Variants in UGT2A3 observed in about 807,000 individuals in gnomAD.
The protein encoded by UGT2A3 is UDP-glucuronosyltransferase 2A3.
In UGT2A3, 55 loss-of-function variants were observed where a neutral mutation model predicts 44.1. That is an observed-to-expected ratio of 1.25 (90% CI 1.00 to 1.56). UGT2A3 has a LOEUF of 1.56. UGT2A3 is among the 40% of genes most tolerant of loss of function. The pLI is 0.00. For missense variants in UGT2A3, 733 were observed against 621.6 expected, an observed-to-expected ratio of 1.18 and a Z score of -1.91; for synonymous variants, 243 against 215.1, an observed-to-expected ratio of 1.13 and a Z score of -1.13.
intron 2 of UGT2A3, among the ~76,000 whole-genome samples, chr4:68,944,614 G>A (rs188176071): frequency 1.3e-5 from 2 of 151,844 alleles, no homozygotes; most frequent in Admixed American, 1.3e-4. Flanking sequence ...ATTTCTATGA[G>A]CTCTACTTTG....
At chr4:68,940,183 T>C (rs745845789) in intron 2 of UGT2A3, among the ~76,000 whole-genome samples, 1 of 152,050 alleles carries the variant, frequency 6.6e-6, no homozygotes, top group Non-Finnish European at 1.5e-5. Context: ...TTTGACCCAG[T>C]TATCCCATTA....
chr4:68,936,065 A>C (rs936540770), intron 2 of UGT2A3, among the ~76,000 whole-genome samples: 1 of 152,168 alleles, frequency 6.6e-6, no homozygotes, highest in Non-Finnish European at 1.5e-5. Flanking sequence ...GGACTATGTG[A>C]AAAGACCAAA....
rs367740949 is a variant in UGT2A3, at chr4:68,932,786, C to T, written c.865-27G>A. The T allele has an allele frequency of 1.4e-5, 22 of 1,595,332 alleles. No individual in the cohort carries two copies. In the African/African-American group the frequency reaches 3.0e-4, roughly 22 times the overall value. On this transcript the variant is annotated intron_variant, in intron 2 of 5. Coordinates refer to ENST00000251566, the MANE Select transcript of UGT2A3 (RefSeq NM_024743.4). Reference sequence around the variant, plus strand: ...TGAAGATAAAAATTTATCTGCATTACAGAGGCATAATATAACAAAAATTAA... The same window carrying T: ...TGAAGATAAAAATTTATCTGCATTATAGAGGCATAATATAACAAAAATTAA...
In UGT2A3 at chr4:68,929,924, C is replaced by T; in HGVS notation, c.1473G>A (p.Val491=). The T allele has an allele frequency of 1.9e-6, 3 of 1,613,522 alleles. No homozygotes were observed. The highest frequency in any genetic ancestry group is 1.7e-6 in the Non-Finnish European group (2 of 1,179,596). The change falls in exon 6 of 6, where the codon GTG becomes GTA. Residue 491 remains valine (V), a synonymous_variant. Coordinates refer to ENST00000251566, the MANE Select transcript of UGT2A3 (RefSeq NM_024743.4). ...LTWFQHYSID[V]IGFLLACVAT... The stretch of plus-strand genomic sequence containing the variant: ...CCACACAGGCCAGCAGGAACCCAAT[C>T]ACATCTATAGAGTAGTGCTGGAACC...
chr4:68,950,984 T>C, intron 1 of UGT2A3, 62 bp downstream of exon 1: 1 of 1,214,902 alleles, frequency 8.2e-7, no homozygotes, highest in East Asian at 2.6e-5. Flanking sequence ...AGACAATGTA[T>C]GACAATTTTT....
chr4:68,944,030 C>A (rs576982767), intron 2 of UGT2A3, among the ~76,000 whole-genome samples: 15 of 151,970 alleles, frequency 9.9e-5, no homozygotes, highest in Admixed American at 3.9e-4. Flanking sequence ...AGAGAATTTT[C>A]TTCTTCCTAG....
chr4:68,938,523 C>G (rs918955687), intron 2 of UGT2A3, among the ~76,000 whole-genome samples: 1 of 152,042 alleles, frequency 6.6e-6, no homozygotes, highest in East Asian at 1.9e-4. Context: ...TAGTAACTCT[C>G]AATAAACTAG....
chr4:68,929,737 C>A lies in UGT2A3; in HGVS notation c.*76G>T. On this transcript the variant is annotated 3_prime_UTR_variant, in exon 6 of 6. Transcript: ENST00000251566. Reference sequence around the variant, plus strand: ...AACAGAATAGATAATATGAAAATAGCAAGGTTTTCACCAAATTCTATGTGG... The same window carrying A: ...AACAGAATAGATAATATGAAAATAGAAAGGTTTTCACCAAATTCTATGTGG... 7.7e-7 allele frequency: 1 copy of A among 1,305,010 alleles called. No individual in the cohort carries two copies. The highest frequency in any genetic ancestry group is 2.3e-5 in the Admixed American group (1 of 43,874). 80.8% of individuals were successfully genotyped at this position (1,305,010 alleles called of 1,614,324 possible). A position where few individuals can be genotyped will look rare whatever the true frequency, so the allele number is the denominator to read the frequency against.
At chr4:68,931,126 T>C (rs753844847) in intron 4 of UGT2A3, 29 bp downstream of exon 4, 12 of 1,550,978 alleles carry the variant, frequency 7.7e-6, no homozygotes, top group East Asian at 2.2e-5. Flanking sequence ...CCTCGTCTAG[T>C]TCATATTTTT....
chr4:68,940,782 AT>A (rs1278466437), intron 2 of UGT2A3, among the ~76,000 whole-genome samples: 1 of 145,212 alleles, frequency 6.9e-6, no homozygotes, highest in East Asian at 2.0e-4. Flanking sequence ...CATATATATA[AT>A]ATATATATAC....
chr4:68,929,581 G>T lies in UGT2A3; in HGVS notation c.*232C>A. ...GTCATATCAGAAATAGGAAAATTTA[G>T]ATGTATTCATGTCCTTGTGTCACAA... On this transcript the variant is annotated 3_prime_UTR_variant, in exon 6 of 6. Coordinates refer to ENST00000251566, the MANE Select transcript of UGT2A3 (RefSeq NM_024743.4). 5.1e-6 allele frequency: 2 copies of T among 389,796 alleles called. No homozygotes were observed. Among genetic ancestry groups the T allele is most frequent in the Non-Finnish European group, 4.6e-6 (1 of 216,106 alleles). 24.1% of individuals were successfully genotyped at this position (389,796 alleles called of 1,614,324 possible).
rs1717635495 is a variant in UGT2A3 at position 68,929,449 on chromosome 4, A to C, written c.*364T>G. Reference sequence around the variant, plus strand: ...GGTTTACTGAATTTTGTGAATTTTAAGTTTTTTACCTCTTTATATCCATGT... The same window carrying C: ...GGTTTACTGAATTTTGTGAATTTTACGTTTTTTACCTCTTTATATCCATGT... On this transcript the variant is annotated 3_prime_UTR_variant, in exon 6 of 6. Transcript: ENST00000251566. 2 of 162,680 alleles carry C rather than the reference A, an allele frequency of 1.2e-5. No individual in the cohort carries two copies. Among genetic ancestry groups the C allele is most frequent in the Admixed American group, 6.3e-5 (1 of 15,896 alleles). 10.1% of individuals were successfully genotyped at this position (162,680 alleles called of 1,614,324 possible).
intron 2 of UGT2A3, among the ~76,000 whole-genome samples, chr4:68,943,785 C>T (rs1718280317): frequency 6.6e-6 from 1 of 151,766 alleles, no homozygotes; most frequent in Non-Finnish European, 1.5e-5. Context: ...CAACTAGATA[C>T]AGCCTACTTG....
At position 68,929,984 on chromosome 4, in the gene UGT2A3, G is replaced by A. The variant is rs1717663696; in HGVS notation, c.1413C>T (p.Ala471=). 6.2e-7 allele frequency: 1 copy of A among 1,613,504 alleles called. No homozygotes were observed. The highest frequency in any genetic ancestry group is 1.3e-5 in the African/African-American group (1 of 74,882). ...CATGGGCAGCTGATCGCAGGTGCTTGGCTCCTTTGTGGCGCATGACAAACT... is the reference window on the plus strand; with the variant it reads ...CATGGGCAGCTGATCGCAGGTGCTTAGCTCCTTTGTGGCGCATGACAAACT... The part of the protein sequence containing the change: ...WIEFVMRHKG[A]KHLRSAAHDL... Residue 471 remains alanine, a synonymous_variant, in exon 6 of 6, where the codon GCC becomes GCT. Transcript: ENST00000251566.
intron 2 of UGT2A3, among the ~76,000 whole-genome samples, chr4:68,936,770 T>C (rs939496475): frequency 6.6e-6 from 1 of 150,738 alleles, no homozygotes; most frequent in Non-Finnish European, 1.5e-5. Flanking sequence ...GACTGGCAAA[T>C]TGTATAAAGA....
chr4:68,931,986 A>G (rs1265566614), intron 3 of UGT2A3, among the ~76,000 whole-genome samples: 2 of 152,016 alleles, frequency 1.3e-5, no homozygotes, highest in African/African-American at 4.8e-5. Context: ...GAAGTATTTT[A>G]GCTAAATATA....
In UGT2A3 at chr4:68,931,208, G is replaced by A. The variant is rs774009869; in HGVS notation, c.1031C>T (p.Thr344Ile). Residue 344 changes from threonine to isoleucine, a missense_variant, in exon 4 of 6, where the codon ACA becomes ATA. By Grantham distance (89) the Thr-to-Ile change is moderately conservative (BLOSUM62 -1). Transcript: ENST00000251566. ...ATACAGCCGAGTATTGGCTCCTAAT[G>A]TGGATGGTTTTTTTCCTTTGTACCT... The part of the protein sequence containing the change: ...LWRYKGKKPS[T>I]LGANTRLYDW... 1.2e-6 allele frequency: 2 copies of A among 1,612,944 alleles called. No homozygotes were observed. The highest frequency in any genetic ancestry group is 1.1e-5 in the South Asian group (1 of 91,040).
intron 2 of UGT2A3, among the ~76,000 whole-genome samples, chr4:68,939,586 T>G (rs1718107790): frequency 6.6e-6 from 1 of 152,122 alleles, no homozygotes; most frequent in Non-Finnish European, 1.5e-5. Context: ...CCTGAAACCA[T>G]AAAAATCCTA....
At chr4:68,934,510 C>G (rs1007530267) in intron 2 of UGT2A3, among the ~76,000 whole-genome samples, 1 of 151,976 alleles carries the variant, frequency 6.6e-6, no homozygotes, top group East Asian at 1.9e-4. Context: ...AAAGCTTTAG[C>G]AAGGTAACTG....
Sources: gnomAD v4.1 joint callset for allele counts (sites outside exome capture counted in the v4.1 genomes callset) on GRCh38, gnomAD v4.1.1 for gene constraint, MANE v1.5 for transcripts, NCBI Gene and HGNC (gene_info 2026-07-23, HGNC 2026-07-21) for gene names.